The following RBMXL1 variants were observed in gnomAD, a reference collection of about 807,000 sequenced individuals.
RBMXL1 encodes RBMX like 1, also known as RNA binding motif protein, X-linked-like-1.
A neutral mutation model predicts 29.0 loss-of-function variants in RBMXL1; 18 were observed. The ratio of observed to expected loss-of-function variants is 0.62; its 90% CI spans 0.43 to 0.92. The LOEUF is 0.92. Among genes scored for constraint, RBMXL1 ranks in the 40% least tolerant of loss-of-function variants. The probability of loss-of-function intolerance (pLI) is 0.00; values close to 1 mark genes in which losing one functional copy is unlikely to be tolerated. For synonymous variants in RBMXL1, 141 were observed against 170.4 expected, an observed-to-expected ratio of 0.83 and a Z score of 1.34; for missense variants, 403 against 495.8, an observed-to-expected ratio of 0.81 and a Z score of 1.78.
At chr1:88,991,904 CCTTT>C in intron 1 of RBMXL1, among the ~76,000 whole-genome samples, 1 of 152,188 alleles carries the variant, frequency 6.6e-6, no homozygotes, top group Non-Finnish European at 1.5e-5. Flanking sequence ...CAACAGACTG[CCTTT>C]CTGTTTTAAC....
In RBMXL1 at chr1:88,982,921, T is replaced by C. The variant is rs372937970; in HGVS notation, c.906A>G (p.Pro302=). 16 of 1,612,608 alleles carry C rather than the reference T, an allele frequency of 9.9e-6. No homozygotes were observed. In the East Asian group the frequency reaches 1.3e-4, roughly 13 times the overall value. The change falls in exon 3 of 3, where the codon CCA becomes CCG. Residue 302 remains proline, a synonymous_variant. Transcript: ENST00000652648. The part of the protein sequence containing the change: ...RSAPLTRGPP[P]SYGGSSRYDD... ...CATAGCGACTGCTTCCACCATAAGA[T>C]GGCGGGGGCCCTCGTGTAAGTGGAG...
At position 88,983,520 on chromosome 1, in the gene RBMXL1, T is replaced by C. The variant is rs547981605; in HGVS notation, c.307A>G (p.Arg103Gly). Residue 103 changes from arginine to glycine, a missense_variant, in exon 3 of 3, where the codon AGA becomes GGA. Coordinates refer to ENST00000652648, the MANE Select transcript of RBMXL1 (RefSeq NM_001162536.3). ...GCTCCAAAACCTCTTGGAGGACCTCTACTTCTTGGAGGTGGGGGCGGTCCA... is the reference window on the plus strand; with the variant it reads ...GCTCCAAAACCTCTTGGAGGACCTCCACTTCTTGGAGGTGGGGGCGGTCCA... The part of the protein sequence containing the change: ...RHGPPPPPRS[R>G]GPPRGFGAGR... 218 of 1,614,242 alleles carry C rather than the reference T, an allele frequency of 1.4e-4. 3 individuals are homozygous for C. The South Asian group carries it at 2.4e-3, about 18-fold the overall frequency.
chr1:88,984,204 C>CTTTTTTTTTTTTTT lies in RBMXL1; in HGVS notation c.-240-152_-240-139dup, dbSNP rs908183722. ...ATTAACAGGAGCCCTTTTTTTGTTG[C>CTTTTTTTTTTTTTT]TTTTTTTTTTTTTTTTTTTTTTTTT... On this transcript the variant is annotated intron_variant, in intron 2 of 2. Coordinates refer to ENST00000652648, the MANE Select transcript of RBMXL1 (RefSeq NM_001162536.3). 22 of 81,472 alleles carry CTTTTTTTTTTTTTT rather than the reference C, an allele frequency of 2.7e-4. 1 individual carries two copies. Among genetic ancestry groups the CTTTTTTTTTTTTTT allele is most frequent in the Non-Finnish European group, 5.0e-4 (19 of 38,170 alleles). 5.0% of individuals were successfully genotyped at this position (81,472 alleles called of 1,614,324 possible).
Position 88,986,794 on chromosome 1 carries a change from C to G in RBMXL1, c.-241+1458G>C, listed in dbSNP as rs557888267. Among the ~76,000 whole-genome samples, 3 of 152,238 alleles carry G rather than the reference C, an allele frequency of 2.0e-5. No homozygotes were observed. The South Asian group carries it at 6.2e-4, about 32-fold the overall frequency. Reference sequence around the variant, plus strand: ...CAGTAACTTATCTGGCTGGTTCTGACAAGTCTTTCTTGATTTAAACTTATC... The same window carrying G: ...CAGTAACTTATCTGGCTGGTTCTGAGAAGTCTTTCTTGATTTAAACTTATC... On this transcript the variant is annotated intron_variant, in intron 2 of 2. Coordinates refer to ENST00000652648, the MANE Select transcript of RBMXL1 (RefSeq NM_001162536.3).
intron 1 of RBMXL1, among the ~76,000 whole-genome samples, chr1:88,988,878 C>A (rs1007361456): frequency 1.3e-5 from 2 of 152,274 alleles, no homozygotes; most frequent in African/African-American, 4.8e-5. Flanking sequence ...TTAGGTTATT[C>A]TGAAGGTACT....
Position 88,982,633 on chromosome 1 carries a change from G to T in RBMXL1, c.*21C>A, listed in dbSNP as rs1226501342. ...TTTTGTTTCTTTGAACTGGGATTTT[G>T]GTCCAAAGTTTTGTTTGTTTCTAGT... On this transcript the variant is annotated 3_prime_UTR_variant, in exon 3 of 3. Coordinates refer to ENST00000652648, the MANE Select transcript of RBMXL1 (RefSeq NM_001162536.3). 7.0e-6 allele frequency: 11 copies of T among 1,569,498 alleles called. No homozygotes were observed. Among genetic ancestry groups the T allele is most frequent in the Non-Finnish European group, 6.9e-6 (8 of 1,160,084 alleles).
rs1677237176 is a variant in RBMXL1, at chr1:88,983,604, C to G, written c.223G>C (p.Asp75His). 6.2e-7 allele frequency: 1 copy of G among 1,614,042 alleles called. No individual in the cohort carries two copies. Among genetic ancestry groups the G allele is most frequent in the Non-Finnish European group, 8.5e-7 (1 of 1,180,054 alleles). Reference sequence around the variant, plus strand: ...TGTTCCACCTTGATGGCTTTTCCATCTAATGACTTTCCATTCATGTCTCTG... The same window carrying G: ...TGTTCCACCTTGATGGCTTTTCCATGTAATGACTTTCCATTCATGTCTCTG... ...AARDMNGKSL[D>H]GKAIKVEQAT... Residue 75 changes from aspartate (D) to histidine (H), a missense_variant, in exon 3 of 3, where the codon GAT (aspartate) becomes CAT (histidine). Transcript: ENST00000652648.
Position 88,983,555 on chromosome 1 carries a change from C to G in RBMXL1, c.272G>C (p.Arg91Thr), listed in dbSNP as rs1183599036. Residue 91 changes from arginine to threonine, a missense_variant, in exon 3 of 3, where the codon AGA becomes ACA. Arg to Thr is a moderately conservative substitution (Grantham distance 71). Transcript: ENST00000652648. ...AGGTGGGGGCGGTCCATGTCTACCT[C>G]TTTCAAATGATGGTTTGGTGGCTTG... ...VEQATKPSFERGRHGPPPPPR... is the reference protein window; with the variant it reads ...VEQATKPSFETGRHGPPPPPR... 1.2e-6 allele frequency: 2 copies of G among 1,614,150 alleles called. No homozygotes were observed. Among genetic ancestry groups the G allele is most frequent in the African/African-American group, 1.3e-5 (1 of 74,956 alleles).
Position 88,990,670 on chromosome 1 carries a change from T to C in RBMXL1, c.-341+1915A>G, listed in dbSNP as rs543518190. Among the ~76,000 whole-genome samples the C allele has an allele frequency of 6.6e-5, 10 of 152,326 alleles. No homozygotes were observed. The South Asian group carries it at 1.7e-3, about 25-fold the overall frequency. On this transcript the variant is annotated intron_variant, in intron 1 of 2. Coordinates refer to ENST00000652648, the MANE Select transcript of RBMXL1 (RefSeq NM_001162536.3). ...CTAGGCTCTCTTTCCATCTCACTTA[T>C]GACCCTCTCACTAGGTAATCTCATT... is the stretch of plus-strand genomic sequence containing the variant.
chr1:88,989,998 T>C (rs1450492711), intron 1 of RBMXL1, among the ~76,000 whole-genome samples: 1 of 152,170 alleles, frequency 6.6e-6, no homozygotes, highest in Non-Finnish European at 1.5e-5. Flanking sequence ...TTGTCTCCCA[T>C]AGTCCAAAAT....
chr1:88,992,378 G>A (rs920008944), intron 1 of RBMXL1, among the ~76,000 whole-genome samples: 3 of 152,212 alleles, frequency 2.0e-5, no homozygotes, highest in African/African-American at 4.8e-5. Flanking sequence ...CGGGTCTAGG[G>A]GATTCCCCCC....
chr1:88,982,870 T>C lies in RBMXL1; in HGVS notation c.957A>G (p.Gly319=). The change falls in exon 3 of 3, where the codon GGA becomes GGG. Residue 319 remains glycine (G), a synonymous_variant. Coordinates refer to ENST00000652648, the MANE Select transcript of RBMXL1 (RefSeq NM_001162536.3). ...AGTAACTGTCTCGACTTCCACCATA[T>C]CCATCACGTGAGCTGCTATAATCAT... ...RYDDYSSSRD[G]YGGSRDSYSS... 1.2e-6 allele frequency: 2 copies of C among 1,613,964 alleles called. No individual in the cohort carries two copies. Among genetic ancestry groups the C allele is most frequent in the Admixed American group, 1.7e-5 (1 of 60,014 alleles).
Position 88,988,323 on chromosome 1 carries a change from A to C in RBMXL1, c.-312T>G, listed in dbSNP as rs1344829287. ...AGGAATTTTGCTCTACCGCTAAGAG[A>C]GCAGAGGCTCCTCTGGGCCAAAAAC... On this transcript the variant is annotated 5_prime_UTR_variant, in exon 2 of 3. Transcript: ENST00000652648. The C allele has an allele frequency of 3.1e-6, 5 of 1,613,088 alleles. No individual in the cohort carries two copies. In the African/African-American group the frequency reaches 5.3e-5, roughly 17 times the overall value.
chr1:88,985,461 C>G (rs1677399194), intron 2 of RBMXL1, among the ~76,000 whole-genome samples: 2 of 152,218 alleles, frequency 1.3e-5, no homozygotes, highest in South Asian at 4.1e-4. Context: ...AGTCTGTGTT[C>G]AATCCCTCAC....
intron 1 of RBMXL1, 27 bp downstream of exon 1, chr1:88,992,558 G>C (rs952878950): frequency 6.6e-6 from 1 of 152,638 alleles, no homozygotes; most frequent in Admixed American, 6.5e-5. Context: ...GAAGCGCCGC[G>C]CCGCGCCGCG....
In RBMXL1 at chr1:88,982,891, A is replaced by T; in HGVS notation, c.936T>A (p.Asp312Glu). The T allele has an allele frequency of 6.2e-7, 1 of 1,613,922 alleles. No individual in the cohort carries two copies. Among genetic ancestry groups the T allele is most frequent in the Non-Finnish European group, 8.5e-7 (1 of 1,179,856 alleles). ...PSYGGSSRYD[D>E]YSSSRDGYGG... ...CATATCCATCACGTGAGCTGCTATA[A>T]TCATCATAGCGACTGCTTCCACCAT... The change falls in exon 3 of 3, where the codon GAT (aspartate) becomes GAA (glutamate). Residue 312 changes from aspartate to glutamate, a missense_variant. Asp to Glu is a conservative substitution (Grantham distance 45, BLOSUM62 2). Coordinates refer to ENST00000652648, the MANE Select transcript of RBMXL1 (RefSeq NM_001162536.3).
At position 88,980,886 on chromosome 1, in the gene RBMXL1, G is replaced by A. The variant is rs1677051381; in HGVS notation, c.*1768C>T. ...AATTTGGTCATTACCCTTGTGGTCT[G>A]TGATTAGTAGTAGTCTGCCAAATGA... On this transcript the variant is annotated 3_prime_UTR_variant, in exon 3 of 3. Transcript: ENST00000652648. The A allele has an allele frequency of 6.6e-6, 1 of 152,200 alleles. No homozygotes were observed. The allele number at this position is 152,200 out of a possible 1,614,324, so 9.4% of individuals were successfully genotyped here.
intron 1 of RBMXL1, among the ~76,000 whole-genome samples, chr1:88,989,898 G>A (rs71666209): frequency 0.051 from 7,707 of 152,232 alleles, 317 homozygotes; most frequent in Admixed American, 0.15. Context: ...AAAGTCCCAC[G>A]GGATATTGGT....
At chr1:88,985,052 T>A (rs1174636627) in intron 2 of RBMXL1, among the ~76,000 whole-genome samples, 2 of 152,244 alleles carry the variant, frequency 1.3e-5, no homozygotes, top group African/African-American at 4.8e-5. Context: ...TAACAATTAC[T>A]TCAGAGAAAC....
Sources: allele counts gnomAD v4.1 joint callset (sites outside exome capture counted in the v4.1 genomes callset), GRCh38; gene constraint gnomAD v4.1.1; transcripts MANE v1.5; gene names NCBI Gene and HGNC (gene_info 2026-07-23, HGNC 2026-07-21).